The following UNC13C variants were observed in gnomAD, a reference collection of about 807,000 sequenced individuals.
UNC13C encodes the protein protein unc-13 homolog C.
Under a neutral mutation model 245.4 loss-of-function variants are expected in UNC13C, and 174 were observed. The observed-to-expected ratio is 0.71, with a 90% CI of 0.63 to 0.80. UNC13C has a LOEUF of 0.80. Among genes scored for constraint, UNC13C ranks in the 30% least tolerant of loss-of-function variants. The pLI, the probability that UNC13C is intolerant of heterozygous loss-of-function variation, is 0.00. For missense variants in UNC13C, 2,829 were observed against 2,602.9 expected (o/e 1.09, Z -1.89); for synonymous variants, 992 against 895.1 (o/e 1.11, Z -1.93).
chr15:54,533,072 T>C lies in UNC13C; in HGVS notation c.5696+6T>C. 4 of 1,581,126 alleles carry C rather than the reference T, an allele frequency of 2.5e-6. No homozygotes were observed. The highest frequency in any genetic ancestry group is 3.4e-6 in the Non-Finnish European group (4 of 1,163,208). ...ATGGATTTTTTGGACAAAACGTAAG[T>C]TTTTTTGCCCAGTTTTCTCTTTACT... On this transcript the variant is annotated splice_donor_region_variant and intron_variant, in intron 26 of 32. Transcript: ENST00000260323.
chr15:54,337,159 G>T (rs77315232), intron 16 of UNC13C, among the ~76,000 whole-genome samples: 2 of 152,196 alleles, frequency 1.3e-5, no homozygotes, highest in South Asian at 2.1e-4. Context: ...GGAGCAGGGT[G>T]GGGGGTACTC....
At chr15:54,091,073 G>C (rs1227336494) in intron 2 of UNC13C, among the ~76,000 whole-genome samples, 1 of 134,982 alleles carries the variant, frequency 7.4e-6, no homozygotes, top group African/African-American at 2.7e-5. Context: ...GGGGTGGGGG[G>C]AGGGGGGTTG....
chr15:54,441,823 A>T (rs895598374), intron 19 of UNC13C, among the ~76,000 whole-genome samples: 1 of 152,098 alleles, frequency 6.6e-6, no homozygotes, highest in African/African-American at 2.4e-5. Context: ...ATCCATGAGC[A>T]TAAGATATCT....
intron 24 of UNC13C, among the ~76,000 whole-genome samples, chr15:54,515,483 C>T (rs920622623): frequency 4.6e-5 from 7 of 152,092 alleles, no homozygotes; most frequent in African/African-American, 1.7e-4. Context: ...CACATTGCTG[C>T]AGCCCATGAA....
At chr15:54,303,270 T>C (rs1413590399) in intron 13 of UNC13C, among the ~76,000 whole-genome samples, 1 of 152,152 alleles carries the variant, frequency 6.6e-6, no homozygotes, top group Non-Finnish European at 1.5e-5. Flanking sequence ...TCAGAACACC[T>C]AGTATAAAGT....
At position 54,623,865 on chromosome 15, in the gene UNC13C, G is replaced by A; in HGVS notation, c.6270G>A (p.Leu2090=). Residue 2090 remains leucine, a synonymous_variant, in exon 32 of 33, where the codon CTG becomes CTA. Coordinates refer to ENST00000260323, the MANE Select transcript of UNC13C (RefSeq NM_001080534.3). The part of the protein sequence containing the change: ...MFRPFVEVCI[L]GPNLGDKKRK... Reference sequence around the variant, plus strand: ...GCCCCTTTGTGGAAGTTTGTATACTGGGACCCAACCTTGGAGACAAGAAGA... The same window carrying A: ...GCCCCTTTGTGGAAGTTTGTATACTAGGACCCAACCTTGGAGACAAGAAGA... The A allele has an allele frequency of 6.2e-7, 1 of 1,613,170 alleles. No homozygotes were observed. The highest frequency in any genetic ancestry group is 8.5e-7 in the Non-Finnish European group (1 of 1,179,482).
chr15:54,621,132 C>T (rs909771355), intron 30 of UNC13C, among the ~76,000 whole-genome samples: 4 of 152,102 alleles, frequency 2.6e-5, no homozygotes, highest in African/African-American at 9.7e-5. Flanking sequence ...AAGGTTTTGG[C>T]CCAAATCTTG....
chr15:54,070,208 A>T (rs539784192), intron 2 of UNC13C, among the ~76,000 whole-genome samples: 2 of 152,220 alleles, frequency 1.3e-5, no homozygotes, highest in Non-Finnish European at 2.9e-5. Context: ...TTTTACATCA[A>T]TTCAAATGTT....
intron 2 of UNC13C, among the ~76,000 whole-genome samples, chr15:54,132,074 C>CTTTTTTTTTTTTTTTT (rs1555420957): frequency 1.8e-4 from 20 of 110,638 alleles, no homozygotes; most frequent in African/African-American, 6.1e-4. Flanking sequence ...TTTTCTTTTT[C>CTTTTTTTTTTTTTTTT]TTTTTTTTTT....
At chr15:54,362,719 G>C (rs1246586195) in intron 17 of UNC13C, among the ~76,000 whole-genome samples, 1 of 151,954 alleles carries the variant, frequency 6.6e-6, no homozygotes, top group Non-Finnish European at 1.5e-5. Context: ...AAGTCCTCCA[G>C]GTACACTCTA....
rs376320818 is a variant in UNC13C at position 54,063,940 on chromosome 15, AAC to A, written c.2983+48058_2983+48059del. On this transcript the variant is annotated intron_variant, in intron 2 of 32. Coordinates refer to ENST00000260323, the MANE Select transcript of UNC13C (RefSeq NM_001080534.3). ...AGGACAATAGGAGTTTCATGGATAA[AAC>A]ACATACTGTTTTTTGACACCCAAGA... is the stretch of plus-strand genomic sequence containing the variant. Among the ~76,000 whole-genome samples the A allele has an allele frequency of 2.0e-5, 3 of 152,280 alleles. No homozygotes were observed. In the East Asian group the frequency reaches 5.8e-4, roughly 29 times the overall value.
At position 54,013,655 on chromosome 15, in the gene UNC13C, A is replaced by G. The variant is rs369852151; in HGVS notation, c.752A>G (p.Gln251Arg). ...ATGGAAATGATCTTTAAGGAACTTC[A>G]GGGAATAAGTCAGATTGAAACAGAA... is the stretch of plus-strand genomic sequence containing the variant. ...DVMEMIFKEL[Q>R]GISQIETELS... Residue 251 changes from glutamine (Q) to arginine (R), a missense_variant, in exon 2 of 33, where the codon CAG becomes CGG. Physicochemically the swap from Gln to Arg is conservative, Grantham distance 43. Coordinates refer to ENST00000260323, the MANE Select transcript of UNC13C (RefSeq NM_001080534.3). The G allele has an allele frequency of 1.2e-6, 2 of 1,613,728 alleles. No individual in the cohort carries two copies. Among genetic ancestry groups the G allele is most frequent in the African/African-American group, 2.7e-5 (2 of 74,916 alleles).
chr15:54,632,488 G>A (rs1901472748), downstream of UNC13C: 1 of 152,138 alleles, frequency 6.6e-6, no homozygotes, highest in South Asian at 2.1e-4. Flanking sequence ...TTTGGCCTAT[G>A]AACCGTTTTG....
the UNC13C span, among the ~76,000 whole-genome samples, chr15:53,892,278 AC>A: frequency 6.6e-6 from 1 of 152,126 alleles, no homozygotes; most frequent in Non-Finnish European, 1.5e-5. Flanking sequence ...TTTGTGGGTA[AC>A]CCAACCTTTT....
the UNC13C span, among the ~76,000 whole-genome samples, chr15:53,946,932 T>G: frequency 6.6e-6 from 1 of 152,266 alleles, no homozygotes; most frequent in African/African-American, 2.4e-5. Context: ...TTAATGTTCA[T>G]CAAGGATATT....
At chr15:54,462,850 G>A (rs929479133) in intron 19 of UNC13C, among the ~76,000 whole-genome samples, 33 of 152,278 alleles carry the variant, frequency 2.2e-4, no homozygotes, top group African/African-American at 5.8e-4. Context: ...ATGTGGTGCT[G>A]GACTGGCAGG....
intron 19 of UNC13C, among the ~76,000 whole-genome samples, chr15:54,472,956 A>G (rs1021178288): frequency 2.0e-5 from 3 of 151,772 alleles, no homozygotes; most frequent in Admixed American, 1.3e-4. Context: ...GAATGATCCC[A>G]TTACCGAGGT....
chr15:54,012,222 G>C (rs912861206), intron 1 of UNC13C, among the ~76,000 whole-genome samples: 7 of 152,036 alleles, frequency 4.6e-5, no homozygotes, highest in Non-Finnish European at 7.4e-5. Context: ...ATATTAATTT[G>C]TGAATTTTGA....
At chr15:54,318,108 A>G (rs1328412531) in intron 13 of UNC13C, among the ~76,000 whole-genome samples, 2 of 151,902 alleles carry the variant, frequency 1.3e-5, no homozygotes, top group African/African-American at 4.8e-5. Flanking sequence ...GTATATAACC[A>G]TATTTTCTTT....
Sources: gnomAD v4.1 joint callset for allele counts (sites outside exome capture counted in the v4.1 genomes callset) on GRCh38, gnomAD v4.1.1 for gene constraint, MANE v1.5 for transcripts, NCBI Gene and HGNC (gene_info 2026-07-23, HGNC 2026-07-21) for gene names.